The following CCND3 variants were observed in gnomAD, a reference collection of about 807,000 sequenced individuals.
The protein encoded by CCND3 is cyclin D3.
CCND3 carries 9 observed loss-of-function variants against 28.7 expected under a neutral mutation model. The ratio of observed to expected loss-of-function variants is 0.31; its 90% CI spans 0.19 to 0.55. The LOEUF (loss-of-function observed/expected upper bound fraction) is 0.55. Ranked by LOEUF, CCND3 falls within the 20% of genes least tolerant of loss-of-function variation. The pLI is 0.93. For synonymous variants in CCND3, 164 were observed against 163.9 expected (o/e 1.00, Z 0.00); for missense variants, 315 against 385.8 (o/e 0.82, Z 1.54).
At chr6:41,957,652 G>C (rs570604638) in intron 1 of CCND3, among the ~76,000 whole-genome samples, 5 of 152,300 alleles carry the variant, frequency 3.3e-5, no homozygotes, top group African/African-American at 1.2e-4. Flanking sequence ...AAATTCCTGA[G>C]GGTAGGCACC....
chr6:42,036,647 G>T (rs1764228273), intron 1 of CCND3, among the ~76,000 whole-genome samples: 2 of 147,626 alleles, frequency 1.4e-5, no homozygotes, highest in Non-Finnish European at 3.0e-5. Flanking sequence ...CAAGTTATCT[G>T]CCCGCCTTGG....
At chr6:41,945,530 G>A (rs1487386166), upstream of CCND3, among the ~76,000 whole-genome samples, 7 of 151,954 alleles carry the variant, frequency 4.6e-5, no homozygotes, top group Non-Finnish European at 7.4e-5. Flanking sequence ...AAAAAAGTCC[G>A]CATCTGAGAA....
At chr6:41,952,054 G>A (rs1273869670) in intron 1 of CCND3, among the ~76,000 whole-genome samples, 1 of 152,052 alleles carries the variant, frequency 6.6e-6, no homozygotes, top group Non-Finnish European at 1.5e-5. Flanking sequence ...GAGCCACCAC[G>A]CCCAGCCTAG....
At chr6:41,963,265 C>G (rs1453139581) in intron 1 of CCND3, among the ~76,000 whole-genome samples, 2 of 152,174 alleles carry the variant, frequency 1.3e-5, no homozygotes, top group African/African-American at 4.8e-5. Flanking sequence ...ACTCAAATAT[C>G]ACCTCTGCAA....
chr6:42,012,748 C>T (rs1020061926), intron 1 of CCND3, among the ~76,000 whole-genome samples: 1 of 152,170 alleles, frequency 6.6e-6, no homozygotes, highest in African/African-American at 2.4e-5. Flanking sequence ...AAGATCTTTA[C>T]AGAAAATCCT....
chr6:41,977,176 C>G (rs1458062348), intron 1 of CCND3, among the ~76,000 whole-genome samples: 1 of 152,154 alleles, frequency 6.6e-6, no homozygotes, highest in African/African-American at 2.4e-5. Flanking sequence ...TTCCCCACAA[C>G]CATACTTCCC....
intron 1 of CCND3, among the ~76,000 whole-genome samples, chr6:41,965,978 G>A (rs1177440897): frequency 6.6e-6 from 1 of 152,128 alleles, no homozygotes; most frequent in Non-Finnish European, 1.5e-5. Context: ...ATGGGATATG[G>A]CAAAATAACT....
At chr6:42,041,835 C>T (rs1402397922) in intron 1 of CCND3, among the ~76,000 whole-genome samples, 3 of 152,204 alleles carry the variant, frequency 2.0e-5, no homozygotes, top group African/African-American at 7.2e-5. Context: ...GCGCCTCATG[C>T]TCCTGCCCCG....
At chr6:42,035,993 A>T (rs1298751558) in intron 1 of CCND3, among the ~76,000 whole-genome samples, 1 of 149,620 alleles carries the variant, frequency 6.7e-6, no homozygotes, top group Non-Finnish European at 1.5e-5. Context: ...TATTATTATT[A>T]TTTTGGGTTT....
intron 1 of CCND3, among the ~76,000 whole-genome samples, chr6:42,032,871 C>T (rs527348036): frequency 2.2e-4 from 33 of 152,302 alleles, no homozygotes; most frequent in African/African-American, 7.7e-4. Context: ...TGTCCATTTC[C>T]AAGCCTGGTT....
chr6:41,952,307 T>C (rs1449231735), intron 1 of CCND3, among the ~76,000 whole-genome samples: 2 of 152,116 alleles, frequency 1.3e-5, no homozygotes, highest in Admixed American at 6.5e-5. Flanking sequence ...GGCGATTCCA[T>C]GAAGCAGCTA....
At chr6:41,977,232 G>A (rs1762209801) in intron 1 of CCND3, among the ~76,000 whole-genome samples, 1 of 152,082 alleles carries the variant, frequency 6.6e-6, no homozygotes, top group African/African-American at 2.4e-5. Context: ...CCAAAATTTT[G>A]AGACCAAAAA....
At chr6:41,973,168 G>T (rs967672979) in intron 1 of CCND3, among the ~76,000 whole-genome samples, 2 of 152,094 alleles carry the variant, frequency 1.3e-5, no homozygotes, top group African/African-American at 4.8e-5. Flanking sequence ...ACAAATCCCT[G>T]GGGTAAAACA....
At chr6:42,014,361 G>C (rs1245209354) in intron 1 of CCND3, among the ~76,000 whole-genome samples, 1 of 128,770 alleles carries the variant, frequency 7.8e-6, no homozygotes, top group Admixed American at 7.5e-5. Flanking sequence ...GCGAGACTCT[G>C]TCTCAAACAA....
chr6:41,936,268 G>T lies in CCND3; in HGVS notation c.712-161C>A. The T allele has an allele frequency of 1.3e-6, 1 of 783,556 alleles. No homozygotes were observed. Among genetic ancestry groups the T allele is most frequent in the Non-Finnish European group, 2.0e-6 (1 of 505,346 alleles). The allele number at this position is 783,556 out of a possible 1,614,324, so 48.5% of individuals were successfully genotyped here. A position where few individuals can be genotyped will look rare whatever the true frequency, so the allele number is the denominator to read the frequency against. On this transcript the variant is annotated intron_variant, in intron 4 of 4. Coordinates refer to ENST00000372991, the MANE Select transcript of CCND3 (RefSeq NM_001760.5). The surrounding 1 kb of genome is among the most constrained non-coding windows in gnomAD (Gnocchi z 4.4). ...TTTAGTTCTCAGAAACTAGCAAGAG[G>T]ATGTGGCAAGGGAGTGTGAGAGCAG...
At chr6:42,000,418 T>A (rs1171889846) in intron 1 of CCND3, among the ~76,000 whole-genome samples, 7 of 150,836 alleles carry the variant, frequency 4.6e-5, no homozygotes, top group Non-Finnish European at 1.0e-4. Flanking sequence ...TTTTTTGTAT[T>A]TTTAGTAGAG....
At chr6:42,012,245 A>C (rs1171647970) in intron 1 of CCND3, among the ~76,000 whole-genome samples, 2 of 152,142 alleles carry the variant, frequency 1.3e-5, no homozygotes, top group Non-Finnish European at 2.9e-5. Flanking sequence ...ATCTCTACTA[A>C]AAATACAAAT....
chr6:42,015,999 C>T (rs928627676), intron 1 of CCND3, among the ~76,000 whole-genome samples: 6 of 151,622 alleles, frequency 4.0e-5, no homozygotes, highest in African/African-American at 9.7e-5. Context: ...AGTGCAGTGG[C>T]GTGATATCAG....
chr6:41,951,599 A>G (rs1443279659), intron 1 of CCND3, among the ~76,000 whole-genome samples: 1 of 148,222 alleles, frequency 6.7e-6, no homozygotes, highest in Non-Finnish European at 1.5e-5. Flanking sequence ...AAGTGGGAGT[A>G]AGAAGAGAGA....
Sources: gnomAD v4.1 joint callset for allele counts (sites outside exome capture counted in the v4.1 genomes callset) on GRCh38, gnomAD v4.1.1 for gene constraint, Gnocchi (gnomAD v3.1) non-coding constraint, MANE v1.5 for transcripts, NCBI Gene and HGNC (gene_info 2026-07-23, HGNC 2026-07-21) for gene names.